CTNND2: variants seen among roughly 807,000 people sequenced by gnomAD.
CTNND2 encodes catenin delta-2.
CTNND2 carries 22 observed loss-of-function variants against 144.4 expected under a neutral mutation model. The ratio of observed to expected loss-of-function variants is 0.15; its 90% CI spans 0.11 to 0.22. The LOEUF is 0.22. CTNND2 is among the 10% of genes least tolerant of loss of function. The pLI, the probability that CTNND2 is intolerant of heterozygous loss-of-function variation, is 1.00. For synonymous variants in CTNND2, 751 were observed against 695.6 expected (o/e 1.08, Z -1.25); for missense variants, 1,353 against 1,618.8 (o/e 0.84, Z 2.82).
At chr5:11,715,318 T>C (rs973936684) in intron 2 of CTNND2, among the ~76,000 whole-genome samples, 1 of 152,216 alleles carries the variant, frequency 6.6e-6, no homozygotes, top group African/African-American at 2.4e-5. Context: ...TGTCGCTGCT[T>C]TATTTGTATG....
intron 3 of CTNND2, among the ~76,000 whole-genome samples, chr5:11,534,976 C>T (rs1460481892): frequency 6.6e-6 from 1 of 152,118 alleles, no homozygotes; most frequent in African/African-American, 2.4e-5. Context: ...CACCTGAGGT[C>T]AGGAGTTCAA....
chr5:11,510,589 A>G (rs1234995760), intron 3 of CTNND2, among the ~76,000 whole-genome samples: 1 of 152,242 alleles, frequency 6.6e-6, no homozygotes, highest in Non-Finnish European at 1.5e-5. Context: ...TTAAAATTAC[A>G]TAAGAAACAT....
In CTNND2 at chr5:11,159,072, A is replaced by T. The variant is rs112934095; in HGVS notation, c.2159+504T>A. Among the ~76,000 whole-genome samples, 370 of 152,348 alleles carry T rather than the reference A, an allele frequency of 2.4e-3. 1 individual carries two copies. The highest frequency in any genetic ancestry group is 0.014 in the Middle Eastern group (4 of 294). ...TTCATTATTTAAAAAACCATTTAAT[A>T]CAACAGGCCTTATTAAAGAGCTATT... On this transcript the variant is annotated intron_variant, in intron 12 of 21. Transcript: ENST00000304623.
intron 2 of CTNND2, among the ~76,000 whole-genome samples, chr5:11,634,615 G>C (rs991049894): frequency 2.0e-5 from 3 of 152,106 alleles, no homozygotes; most frequent in Non-Finnish European, 1.5e-5. Flanking sequence ...CAGGAAAGTT[G>C]AATATTTTAC....
At chr5:11,460,357 C>T (rs1209144089) in intron 3 of CTNND2, among the ~76,000 whole-genome samples, 2 of 152,206 alleles carry the variant, frequency 1.3e-5, no homozygotes, top group Non-Finnish European at 2.9e-5. Flanking sequence ...GAATTAACAT[C>T]TAATTTCTGG....
chr5:11,816,049 A>G (rs375843296), intron 1 of CTNND2, among the ~76,000 whole-genome samples: 10 of 152,248 alleles, frequency 6.6e-5, no homozygotes, highest in African/African-American at 2.4e-4. Flanking sequence ...AGCACAGAAC[A>G]CAGTTGGAGC....
intron 10 of CTNND2, among the ~76,000 whole-genome samples, chr5:11,225,026 C>G (rs1391272281): frequency 6.6e-6 from 1 of 151,948 alleles, no homozygotes; most frequent in African/African-American, 2.4e-5. Context: ...GTTCAGAGCT[C>G]TAAATTGGAG....
At chr5:11,722,383 T>C (rs771954173) in intron 2 of CTNND2, among the ~76,000 whole-genome samples, 31 of 152,090 alleles carry the variant, frequency 2.0e-4, no homozygotes, top group Non-Finnish European at 3.8e-4. Flanking sequence ...AGTATGCTTT[T>C]TGTCTCTCTT....
intron 9 of CTNND2, among the ~76,000 whole-genome samples, chr5:11,285,029 G>C (rs1747582891): frequency 6.6e-6 from 1 of 152,206 alleles, no homozygotes; most frequent in Non-Finnish European, 1.5e-5. Flanking sequence ...TCTTGACTCT[G>C]TCCTTGCTAA....
intron 1 of CTNND2, among the ~76,000 whole-genome samples, chr5:11,826,975 G>C (rs1018060216): frequency 1.3e-5 from 2 of 152,004 alleles, no homozygotes; most frequent in Non-Finnish European, 2.9e-5. Flanking sequence ...CAATGAACAT[G>C]ATGTCATTGA....
chr5:11,539,995 C>A (rs1196478993), intron 3 of CTNND2, among the ~76,000 whole-genome samples: 2 of 152,146 alleles, frequency 1.3e-5, no homozygotes, highest in African/African-American at 4.8e-5. Flanking sequence ...GGTCGCACCA[C>A]TGCACTCCAG....
chr5:11,601,707 TTAA>T (rs1277625792), intron 2 of CTNND2, among the ~76,000 whole-genome samples: 1 of 152,174 alleles, frequency 6.6e-6, no homozygotes, highest in African/African-American at 2.4e-5. Flanking sequence ...TTTGATCTTC[TTAA>T]TAATCTTTTA....
chr5:11,325,874 T>C (rs1339652521), intron 9 of CTNND2, among the ~76,000 whole-genome samples: 1 of 152,040 alleles, frequency 6.6e-6, no homozygotes, highest in Non-Finnish European at 1.5e-5. Context: ...CCACTGGCCA[T>C]GGAGTGGTTC....
intron 1 of CTNND2, among the ~76,000 whole-genome samples, chr5:11,851,754 A>C (rs1402397254): frequency 6.6e-6 from 1 of 152,220 alleles, no homozygotes. Context: ...TGATTTTGGT[A>C]AACACAGTAT....
At chr5:11,444,695 C>T (rs1049521057) in intron 3 of CTNND2, among the ~76,000 whole-genome samples, 2 of 152,064 alleles carry the variant, frequency 1.3e-5, no homozygotes, top group East Asian at 3.9e-4. Context: ...GAGTGAGACT[C>T]TGTCTAAAAA....
At chr5:11,823,373 A>C (rs1793424399) in intron 1 of CTNND2, among the ~76,000 whole-genome samples, 1 of 152,168 alleles carries the variant, frequency 6.6e-6, no homozygotes, top group African/African-American at 2.4e-5. Flanking sequence ...AATTGTATTG[A>C]CTCAAATTTG....
rs375141581 is a variant in CTNND2, at chr5:11,852,688, A to C, written c.37+51129T>G. On this transcript the variant is annotated intron_variant, in intron 1 of 21. Coordinates refer to ENST00000304623, the MANE Select transcript of CTNND2 (RefSeq NM_001332.4). Reference sequence around the variant, plus strand: ...CATGCAGTGGGAAACAGTCTCCTAGATCCTGGAATTACACTGACTGACCCT... The same window carrying C: ...CATGCAGTGGGAAACAGTCTCCTAGCTCCTGGAATTACACTGACTGACCCT... 3.9e-5 allele frequency among the ~76,000 whole-genome samples: 6 copies of C among 152,334 alleles called. No homozygotes were observed. In the South Asian group the frequency reaches 8.3e-4, roughly 21 times the overall value.
chr5:11,845,446 T>C (rs1794688271), intron 1 of CTNND2, among the ~76,000 whole-genome samples: 1 of 152,186 alleles, frequency 6.6e-6, no homozygotes, highest in Admixed American at 6.5e-5. Flanking sequence ...GATGAGGTCA[T>C]ACTGGAGTAG....
intron 2 of CTNND2, among the ~76,000 whole-genome samples, chr5:11,626,963 A>C (rs776357017): frequency 2.6e-4 from 39 of 152,100 alleles, no homozygotes; most frequent in Non-Finnish European, 7.4e-5. Context: ...TAAAAGTGAG[A>C]GCCTTATTTC....
Sources: gnomAD v4.1 joint callset for allele counts (sites outside exome capture counted in the v4.1 genomes callset) on GRCh38, gnomAD v4.1.1 for gene constraint, MANE v1.5 for transcripts, NCBI Gene and HGNC (gene_info 2026-07-23, HGNC 2026-07-21) for gene names.